Variants in RANBP2 observed in about 807,000 individuals in gnomAD.
The protein encoded by RANBP2 is E3 SUMO-protein ligase RanBP2.
In RANBP2, 57 loss-of-function variants were observed where a neutral mutation model predicts 303.6. The observed-to-expected ratio is 0.19, with a 90% confidence interval of 0.15 to 0.23. The LOEUF (loss-of-function observed/expected upper bound fraction) is 0.23, where lower values mean the gene tolerates loss of function less well. Ranked by LOEUF, RANBP2 falls within the 10% of genes least tolerant of loss-of-function variation. The pLI is 1.00. For synonymous variants in RANBP2, 1,167 were observed against 1,301.5 expected, an observed-to-expected ratio of 0.90 and a Z score of 2.23; for missense variants, 3,138 against 3,780.8, an observed-to-expected ratio of 0.83 and a Z score of 4.46.
At chr2:109,512,821 AC>A in the RANBP2 span, among the ~76,000 whole-genome samples, 2,404 of 149,836 alleles carry the variant, frequency 0.016, 23 homozygotes, top group Middle Eastern at 0.028. Context: ...TCTGACCCTG[AC>A]CCCTCCTCAC....
the RANBP2 span, among the ~76,000 whole-genome samples, chr2:109,495,001 C>T: frequency 1.3e-5 from 2 of 151,886 alleles, no homozygotes; most frequent in African/African-American, 4.8e-5. Flanking sequence ...GCTCAGCTGC[C>T]CTGCCCCAGC....
chr2:109,318,284 C>T, the RANBP2 span, among the ~76,000 whole-genome samples: 1 of 152,058 alleles, frequency 6.6e-6, no homozygotes, highest in African/African-American at 2.4e-5. Context: ...GGAGCATTTC[C>T]ATGCGACTGC....
At chr2:109,006,665 G>A in the RANBP2 span, among the ~76,000 whole-genome samples, 1 of 152,136 alleles carries the variant, frequency 6.6e-6, no homozygotes, top group South Asian at 2.1e-4. Flanking sequence ...CTAAATCCCC[G>A]AAGTCCACAG....
chr2:108,980,767 G>C, the RANBP2 span, among the ~76,000 whole-genome samples: 2 of 152,100 alleles, frequency 1.3e-5, no homozygotes, highest in African/African-American at 2.4e-5. Context: ...CCCTGAGCTT[G>C]AATCAGTGTG....
chr2:108,877,428 T>C, the RANBP2 span, among the ~76,000 whole-genome samples: 1 of 152,072 alleles, frequency 6.6e-6, no homozygotes. Context: ...ATCACGCCAT[T>C]GCACTCCAGC....
At chr2:109,223,586 C>A in the RANBP2 span, among the ~76,000 whole-genome samples, 1 of 151,906 alleles carries the variant, frequency 6.6e-6, no homozygotes, top group Non-Finnish European at 1.5e-5. Flanking sequence ...ATTCAAGCAT[C>A]GGTGGAGGGC....
the RANBP2 span, among the ~76,000 whole-genome samples, chr2:109,385,280 C>T: frequency 3.3e-5 from 5 of 152,190 alleles, no homozygotes; most frequent in Non-Finnish European, 5.9e-5. Context: ...CACAAAACAG[C>T]GCACAAAGGG....
At chr2:108,731,150 G>A (rs2693129) in intron 3 of RANBP2, among the ~76,000 whole-genome samples, 172 bp from the exon 4 acceptor site, 7 of 152,024 alleles carry the variant, frequency 4.6e-5, no homozygotes, top group African/African-American at 9.7e-5. Context: ...CATTTCCAGA[G>A]AATTCCAAGA....
At chr2:108,814,811 T>C in the RANBP2 span, among the ~76,000 whole-genome samples, 1 of 152,034 alleles carries the variant, frequency 6.6e-6, no homozygotes, top group African/African-American at 2.4e-5. Context: ...AATTTTTATA[T>C]TTTTAGTAGA....
At chr2:109,085,661 C>T in the RANBP2 span, among the ~76,000 whole-genome samples, 17 of 145,956 alleles carry the variant, frequency 1.2e-4, no homozygotes, top group Admixed American at 8.4e-4. Context: ...AGTGTAATGG[C>T]ACAATCTTGG....
chr2:108,879,232 A>G, the RANBP2 span, among the ~76,000 whole-genome samples: 1 of 152,220 alleles, frequency 6.6e-6, no homozygotes, highest in Non-Finnish European at 1.5e-5. Context: ...TCAGCCTTCC[A>G]GAATGCTGGG....
At chr2:109,487,681 T>C in the RANBP2 span, among the ~76,000 whole-genome samples, 1 of 152,084 alleles carries the variant, frequency 6.6e-6, no homozygotes, top group Non-Finnish European at 1.5e-5. Flanking sequence ...GGCCTCAGCG[T>C]CTCCAGCTCC....
At chr2:109,260,711 A>G in the RANBP2 span, among the ~76,000 whole-genome samples, 5,881 of 152,202 alleles carry the variant, frequency 0.039, 375 homozygotes, top group African/African-American at 0.13. Context: ...AAGACTTGCA[A>G]TCTTATGGCC....
chr2:108,744,854 T>G (rs1479309571), intron 7 of RANBP2, among the ~76,000 whole-genome samples: 2 of 152,262 alleles, frequency 1.3e-5, no homozygotes, highest in Non-Finnish European at 2.9e-5. Context: ...TATTGCTTTC[T>G]TGTGTGTTCT....
At chr2:109,535,078 T>C in the RANBP2 span, among the ~76,000 whole-genome samples, 2 of 152,106 alleles carry the variant, frequency 1.3e-5, no homozygotes, top group African/African-American at 2.4e-5. Flanking sequence ...AGAACCCAGA[T>C]GAGGAAGATG....
the RANBP2 span, among the ~76,000 whole-genome samples, chr2:109,455,636 G>A: frequency 1.3e-5 from 2 of 152,184 alleles, no homozygotes; most frequent in Admixed American, 6.5e-5. Context: ...CTTTTGAGTG[G>A]CCAGGCAGCT....
At chr2:109,328,816 A>G in the RANBP2 span, among the ~76,000 whole-genome samples, 1 of 152,118 alleles carries the variant, frequency 6.6e-6, no homozygotes, top group Non-Finnish European at 1.5e-5. Context: ...AAAATATTTC[A>G]CCTGAACACA....
At chr2:109,098,602 T>C in the RANBP2 span, among the ~76,000 whole-genome samples, 3 of 152,244 alleles carry the variant, frequency 2.0e-5, no homozygotes, top group Non-Finnish European at 4.4e-5. Flanking sequence ...TGTCTGTTTA[T>C]AAAACCAAAC....
chr2:108,899,180 C>T, the RANBP2 span, among the ~76,000 whole-genome samples: 1 of 115,520 alleles, frequency 8.7e-6, no homozygotes, highest in Non-Finnish European at 1.7e-5. Flanking sequence ...CAAAGAAAAA[C>T]AACGCCTGAC....
Sources: allele counts gnomAD v4.1 joint callset (sites outside exome capture counted in the v4.1 genomes callset), GRCh38; gene constraint gnomAD v4.1.1; transcripts MANE v1.5; gene names NCBI Gene and HGNC (gene_info 2026-07-23, HGNC 2026-07-21).